Variants in CLNK observed in about 807,000 individuals in gnomAD.
CLNK encodes cytokine-dependent hematopoietic cell linker.
Under a neutral mutation model 68.6 loss-of-function variants are expected in CLNK, and 74 were observed. The observed-to-expected ratio is 1.08, with a 90% CI of 0.89 to 1.31. CLNK has a LOEUF of 1.31. Ranked by LOEUF, CLNK falls within the 50% of genes most tolerant of loss-of-function variation. CLNK has a pLI of 0.00. For missense variants in CLNK, 553 were observed against 515.3 expected (o/e 1.07, Z -0.71); for synonymous variants, 198 against 172.2 (o/e 1.15, Z -1.17).
chr4:10,733,327 C>G, the CLNK span, among the ~76,000 whole-genome samples: 31 of 152,292 alleles, frequency 2.0e-4, no homozygotes, highest in South Asian at 6.4e-3. Context: ...AACAGCCCAC[C>G]TTCCCCCCTT....
the CLNK span, among the ~76,000 whole-genome samples, chr4:10,700,346 T>G: frequency 0.47 from 71,989 of 151,980 alleles, 18,022 homozygotes; most frequent in Middle Eastern, 0.65. Flanking sequence ...AGGAGGAACG[T>G]GAACCTTGGA....
At chr4:10,595,453 A>C (rs563133736) in intron 3 of CLNK, among the ~76,000 whole-genome samples, 14 of 152,310 alleles carry the variant, frequency 9.2e-5, no homozygotes, top group African/African-American at 2.9e-4. Context: ...CATTCATCTC[A>C]ATATTGCAGA....
At chr4:10,593,699 C>G (rs1168844183) in intron 3 of CLNK, among the ~76,000 whole-genome samples, 2 of 152,242 alleles carry the variant, frequency 1.3e-5, no homozygotes, top group Middle Eastern at 3.4e-3. Context: ...AAAGAGGACT[C>G]CCGTCTCCAA....
intron 1 of CLNK, among the ~76,000 whole-genome samples, chr4:10,681,243 T>A (rs1031595961): frequency 9.9e-5 from 15 of 152,198 alleles, no homozygotes; most frequent in African/African-American, 3.1e-4. Flanking sequence ...GATGGATACA[T>A]AGGTCAAAGT....
At chr4:10,728,579 C>CCTTTCTTTCTTT in the CLNK span, among the ~76,000 whole-genome samples, 1 of 104,154 alleles carries the variant, frequency 9.6e-6, no homozygotes, top group African/African-American at 3.5e-5. Flanking sequence ...TGTGATGTAT[C>CCTTTCTTTCTTT]CTTTCTTTCT....
At chr4:10,521,780 C>T (rs1718076407) in intron 14 of CLNK, among the ~76,000 whole-genome samples, 1 of 152,142 alleles carries the variant, frequency 6.6e-6, no homozygotes, top group Non-Finnish European at 1.5e-5. Flanking sequence ...AATCCTTTTA[C>T]TAGCAGCCAG....
At chr4:10,515,649 G>A (rs1272216489) in intron 15 of CLNK, among the ~76,000 whole-genome samples, 1 of 152,168 alleles carries the variant, frequency 6.6e-6, no homozygotes, top group Admixed American at 6.5e-5. Flanking sequence ...GACTTTGCAA[G>A]TGCAAACTGG....
In CLNK at chr4:10,598,326, T is replaced by C. The variant is rs59710092; in HGVS notation, c.12-277A>G. Among the ~76,000 whole-genome samples the C allele has an allele frequency of 7.7e-3, 1,173 of 152,338 alleles. 13 individuals are homozygous for C. The highest frequency in any genetic ancestry group is 0.027 in the African/African-American group (1,104 of 41,562). ...GCCCATTCAAGACAAGGATGTGGGCTGCCTCTCCCTCATCAACAGGGTGAC... is the reference window on the plus strand; with the variant it reads ...GCCCATTCAAGACAAGGATGTGGGCCGCCTCTCCCTCATCAACAGGGTGAC... On this transcript the variant is annotated intron_variant, in intron 2 of 18. Coordinates refer to ENST00000226951, the MANE Select transcript of CLNK (RefSeq NM_052964.4).
intron 3 of CLNK, among the ~76,000 whole-genome samples, chr4:10,590,363 T>C (rs565970728): frequency 1.3e-5 from 2 of 152,352 alleles, no homozygotes; most frequent in Admixed American, 6.5e-5. Flanking sequence ...CTTCTACTTA[T>C]CCATGGGAAC....
chr4:10,604,462 G>A (rs1040039952), intron 2 of CLNK, among the ~76,000 whole-genome samples: 2 of 152,122 alleles, frequency 1.3e-5, no homozygotes, highest in Non-Finnish European at 2.9e-5. Flanking sequence ...CTCTCCTTGA[G>A]CAACTAAAGG....
At chr4:10,588,938 GA>G (rs1721084152) in intron 3 of CLNK, among the ~76,000 whole-genome samples, 1 of 152,064 alleles carries the variant, frequency 6.6e-6, no homozygotes, top group Admixed American at 6.6e-5. Flanking sequence ...GGGTGGAGGA[GA>G]AAATGAGGAG....
the CLNK span, among the ~76,000 whole-genome samples, chr4:10,692,689 A>G: frequency 2.6e-4 from 40 of 152,334 alleles, no homozygotes; most frequent in Non-Finnish European, 5.1e-4. Context: ...CTCACTTGAA[A>G]TCTAACATGT....
At chr4:10,635,449 G>C (rs190397539) in intron 2 of CLNK, among the ~76,000 whole-genome samples, 1 of 152,188 alleles carries the variant, frequency 6.6e-6, no homozygotes, top group East Asian at 1.9e-4. Flanking sequence ...CTGGCCAAGA[G>C]AGAGGAGGCC....
At chr4:10,564,813 C>T (rs575527736) in intron 6 of CLNK, 36 bp from the exon 7 acceptor site, 62 of 1,238,360 alleles carry the variant, frequency 5.0e-5, no homozygotes, top group East Asian at 1.6e-4. Flanking sequence ...TCATACCTTA[C>T]GTGGACTCAG....
rs1374114934 is a variant in CLNK, at chr4:10,677,664, C to T, written c.-43+7004G>A. Among the ~76,000 whole-genome samples, 4 of 152,040 alleles carry T rather than the reference C, an allele frequency of 2.6e-5. No homozygotes were observed. In the South Asian group the frequency reaches 8.3e-4, roughly 32 times the overall value. On this transcript the variant is annotated intron_variant, in intron 1 of 18. Transcript: ENST00000226951. ...TCCATGCTCTTCTTCACTCTTCTCT[C>T]TCCTGCTGTCTTGTGGAGAAGGTGG... is the stretch of plus-strand genomic sequence containing the variant.
At chr4:10,491,234 C>T (rs548434533) in intron 18 of CLNK, among the ~76,000 whole-genome samples, 1 of 152,314 alleles carries the variant, frequency 6.6e-6, no homozygotes, top group Admixed American at 6.5e-5. Flanking sequence ...TGGTCAAGTT[C>T]CATTCTATTG....
chr4:10,706,102 AC>A, the CLNK span, among the ~76,000 whole-genome samples: 1 of 152,222 alleles, frequency 6.6e-6, no homozygotes, highest in Non-Finnish European at 1.5e-5. Context: ...CTTTGGGGTC[AC>A]ATACTTGCAT....
chr4:10,728,894 C>T, the CLNK span, among the ~76,000 whole-genome samples: 7 of 152,094 alleles, frequency 4.6e-5, no homozygotes, highest in East Asian at 3.9e-4. Context: ...CTACCACACC[C>T]GGCCCCTTTC....
the CLNK span, among the ~76,000 whole-genome samples, chr4:10,714,933 A>G: frequency 6.6e-6 from 1 of 152,104 alleles, no homozygotes; most frequent in Non-Finnish European, 1.5e-5. Context: ...TTTGCTTTTA[A>G]TGTATTTATG....
Sources: allele counts gnomAD v4.1 joint callset (sites outside exome capture counted in the v4.1 genomes callset), GRCh38; gene constraint gnomAD v4.1.1; transcripts MANE v1.5; gene names NCBI Gene and HGNC (gene_info 2026-07-23, HGNC 2026-07-21).